Variants in HERC2 observed in about 807,000 individuals in gnomAD.
HERC2 encodes the protein HECT and RLD domain containing E3 ubiquitin protein ligase 2, also known as E3 ubiquitin-protein ligase HERC2.
Under a neutral mutation model 537.7 loss-of-function variants are expected in HERC2, and 102 were observed. The ratio of observed to expected loss-of-function variants is 0.19; its 90% CI spans 0.16 to 0.22. HERC2 has a LOEUF of 0.22. HERC2 is among the 10% of genes least tolerant of loss of function. The pLI is 1.00. For synonymous variants in HERC2, 2,224 were observed against 2,466.2 expected (o/e 0.90, Z 2.91); for missense variants, 4,236 against 6,198.2 (o/e 0.68, Z 10.63).
chr15:28,132,412 A>G, intron 80 of HERC2, 151 bp from the exon 81 acceptor site: 2 of 861,306 alleles, frequency 2.3e-6, no homozygotes, highest in East Asian at 2.9e-5. Context: ...AAGACAAAAG[A>G]GAAAGCACCT....
chr15:28,261,126 G>A (rs1362856226), intron 15 of HERC2, among the ~76,000 whole-genome samples, 156 bp from the exon 16 acceptor site: 1 of 151,964 alleles, frequency 6.6e-6, no homozygotes, highest in African/African-American at 2.4e-5. Context: ...ATTTGCTTTG[G>A]GTGTGTTATT....
chr15:28,201,643 T>C (rs1199050726), intron 47 of HERC2, 89 bp from the exon 48 acceptor site: 3 of 841,622 alleles, frequency 3.6e-6, no homozygotes, highest in African/African-American at 3.5e-5. Flanking sequence ...TCTATAATAT[T>C]AAAAAGTAGA....
In HERC2 at chr15:28,182,440, C is replaced by T. The variant is rs61755663; in HGVS notation, c.8898G>A (p.Leu2966=). 7.7e-4 allele frequency: 1,246 copies of T among 1,613,944 alleles called. 12 individuals carry two copies. In the African/African-American group the frequency reaches 0.015, roughly 19 times the overall value. ...GCCCGCCCAGCTGGTCCTTGTCATT[C>T]AGGCCCCACACAAACACCTTGGTTC... ...TIRTKVFVWG[L]NDKDQLGGLK... The change falls in exon 57 of 93, where the codon CTG becomes CTA. Residue 2966 remains leucine (L), a synonymous_variant. Coordinates refer to ENST00000261609, the MANE Select transcript of HERC2 (RefSeq NM_004667.6).
chr15:28,213,858 T>C lies in HERC2; in HGVS notation c.6670A>G (p.Met2224Val), dbSNP rs760363098. ...GTGCCTTCTCCAAACTCATCGTGCA[T>C]AACTTGACCGCCCAGGCGCAGGCGA... ...DGRLRLGGQV[M>V]HDEFGEGTVT... Residue 2224 changes from methionine to valine, a missense_variant, in exon 42 of 93, where the codon ATG becomes GTG. Met to Val is a conservative substitution (Grantham distance 21). This residue lies in a region of HERC2 where 365 missense variants were observed against 468.8 expected (regional missense o/e 0.78). Coordinates refer to ENST00000261609, the MANE Select transcript of HERC2 (RefSeq NM_004667.6). 1.9e-6 allele frequency: 3 copies of C among 1,614,020 alleles called. No individual in the cohort carries two copies. The highest frequency in any genetic ancestry group is 1.7e-6 in the Non-Finnish European group (2 of 1,179,944).
chr15:28,135,745 A>C, intron 78 of HERC2, 53 bp from the exon 79 acceptor site: 1 of 1,289,278 alleles, frequency 7.8e-7, no homozygotes, highest in Non-Finnish European at 1.1e-6. Flanking sequence ...AATATCCCCT[A>C]AATTTACTAA....
chr15:28,277,186 G>A (rs1213191600), intron 5 of HERC2, among the ~76,000 whole-genome samples: 1 of 152,170 alleles, frequency 6.6e-6, no homozygotes, highest in Non-Finnish European at 1.5e-5. Flanking sequence ...GGTGGGGAGA[G>A]AAGACGTGAA....
intron 2 of HERC2, among the ~76,000 whole-genome samples, chr15:28,307,872 G>A (rs1178209295): frequency 6.6e-6 from 1 of 152,080 alleles, no homozygotes; most frequent in South Asian, 2.1e-4. Context: ...TAGATGTGCG[G>A]ATTTGTTTCT....
intron 55 of HERC2, chr15:28,190,177 T>G (rs1459201913): frequency 7.3e-6 from 1 of 136,222 alleles, no homozygotes; most frequent in Non-Finnish European, 1.6e-5. Context: ...CCCGGCTAAT[T>G]TTTTTTTTTT....
In HERC2 at chr15:28,268,076, G is replaced by A. The variant is rs2075617978; in HGVS notation, c.1598+389C>T. ...TATTAGGAAGAAACTGCTGACTTTT[G>A]TTCCTGTAAAAATAATATATGGTTC... On this transcript the variant is annotated intron_variant, in intron 12 of 92. Coordinates refer to ENST00000261609, the MANE Select transcript of HERC2 (RefSeq NM_004667.6). The surrounding 1 kb of genome is among the most constrained non-coding windows in gnomAD (Gnocchi z 4.7). Among the ~76,000 whole-genome samples the A allele has an allele frequency of 6.6e-6, 1 of 152,168 alleles. No individual in the cohort carries two copies. Among genetic ancestry groups the A allele is most frequent in the Non-Finnish European group, 1.5e-5 (1 of 68,026 alleles).
rs538854709 is a variant in HERC2, at chr15:28,124,951, T to G, written c.12990+55A>C. On this transcript the variant is annotated intron_variant, in intron 84 of 92. Transcript: ENST00000261609. ...AAACACACAACGACAGGATGCAGCATGTGACAGGAGCACACTTTGCTTGCC... is the reference window on the plus strand; with the variant it reads ...AAACACACAACGACAGGATGCAGCAGGTGACAGGAGCACACTTTGCTTGCC... 2.0e-6 allele frequency: 3 copies of G among 1,509,960 alleles called. No homozygotes were observed. In the Admixed American group the frequency reaches 5.4e-5, roughly 27 times the overall value. The allele number at this position is 1,509,960 out of a possible 1,614,324, so 93.5% of individuals were successfully genotyped here. A position where few individuals can be genotyped will look rare whatever the true frequency, so the allele number is the denominator to read the frequency against.
intron 69 of HERC2, among the ~76,000 whole-genome samples, chr15:28,157,910 A>C (rs577077199): frequency 6.6e-6 from 1 of 151,896 alleles, no homozygotes; most frequent in Non-Finnish European, 1.5e-5. Context: ...ACACTGCTTT[A>C]AATGTGTCCC....
chr15:28,158,370 G>T (rs1020613376), intron 69 of HERC2, among the ~76,000 whole-genome samples: 2 of 152,082 alleles, frequency 1.3e-5, no homozygotes, highest in Admixed American at 6.6e-5. Flanking sequence ...TGTGGGAGTC[G>T]AAGTCTCTTT....
At chr15:28,260,439 T>C (rs891955459) in intron 16 of HERC2, among the ~76,000 whole-genome samples, 1 of 152,204 alleles carries the variant, frequency 6.6e-6, no homozygotes, top group African/African-American at 2.4e-5. Context: ...CTGAACTGCC[T>C]TCCCCTACAG....
rs780125867 is a variant in HERC2 at position 28,254,378 on chromosome 15, C to G, written c.3012G>C (p.Gln1004His). The G allele has an allele frequency of 2.7e-5, 44 of 1,605,976 alleles. No individual in the cohort carries two copies. Among genetic ancestry groups the G allele is most frequent in the Non-Finnish European group, 3.7e-5 (43 of 1,175,810 alleles). Reference protein sequence around the residue: ...NTGICESSGKQCLPLVQLIQQ... With the variant: ...NTGICESSGKHCLPLVQLIQQ... ...GTATGAGCTGAACCAGAGGCAAACA[C>G]TGTTTGCCAGAAGACTCACAGATCC... Residue 1004 changes from glutamine (Q) to histidine (H), a missense_variant, in exon 20 of 93, where the codon CAG becomes CAC. Gln to His is a conservative substitution (Grantham distance 24). Transcript: ENST00000261609.
chr15:28,228,555 C>T (rs927134755), intron 34 of HERC2, 146 bp from the exon 35 acceptor site: 44 of 785,922 alleles, frequency 5.6e-5, no homozygotes, highest in African/African-American at 4.3e-4. Flanking sequence ...ATAAACGTAA[C>T]GCAGAAAGCA....
intron 57 of HERC2, among the ~76,000 whole-genome samples, 192 bp downstream of exon 57, chr15:28,182,209 C>T (rs1369629713): frequency 2.0e-5 from 3 of 151,956 alleles, no homozygotes; most frequent in Non-Finnish European, 4.4e-5. Flanking sequence ...TTTACAAGAC[C>T]GCAATAAGAC....
At position 28,113,034 on chromosome 15, in the gene HERC2, A is replaced by C; in HGVS notation, c.14232+37T>G. 1 of 1,586,192 alleles carries C rather than the reference A, an allele frequency of 6.3e-7. No individual in the cohort carries two copies. Among genetic ancestry groups the C allele is most frequent in the Non-Finnish European group, 8.6e-7 (1 of 1,159,640 alleles). On this transcript the variant is annotated intron_variant, in intron 92 of 92. Coordinates refer to ENST00000261609, the MANE Select transcript of HERC2 (RefSeq NM_004667.6). The surrounding 1 kb of genome is among the most constrained non-coding windows in gnomAD (Gnocchi z 7.0). ...AGCCAGCCACCCACCGTCGGCCGAC[A>C]TCAGCCCAGGGCCGGCAAGCCCAGC... is the stretch of plus-strand genomic sequence containing the variant.
At chr15:28,205,116 C>A (rs1898284354) in intron 45 of HERC2, among the ~76,000 whole-genome samples, 1 of 152,026 alleles carries the variant, frequency 6.6e-6, no homozygotes, top group Admixed American at 6.5e-5. Context: ...CGAAAAGCAA[C>A]CACAGAAAAA....
intron 69 of HERC2, among the ~76,000 whole-genome samples, chr15:28,153,379 C>G (rs1473679390): frequency 6.6e-6 from 1 of 151,912 alleles, no homozygotes; most frequent in Non-Finnish European, 1.5e-5. Flanking sequence ...TTGGGTGGAG[C>G]GCAGTGGCTC....
Sources: allele counts gnomAD v4.1 joint callset (sites outside exome capture counted in the v4.1 genomes callset), GRCh38; gene constraint gnomAD v4.1.1; regional missense constraint gnomAD v4.1.1; non-coding constraint Gnocchi (gnomAD v3.1); transcripts MANE v1.5; gene names NCBI Gene and HGNC (gene_info 2026-07-23, HGNC 2026-07-21).